The following PRKD1 variants were observed in gnomAD, a reference collection of about 807,000 sequenced individuals.
PRKD1 encodes serine/threonine-protein kinase D1.
In PRKD1, 63 loss-of-function variants were observed where a neutral mutation model predicts 95.9. The observed-to-expected ratio is 0.66, with a 90% CI of 0.54 to 0.81. PRKD1 has a LOEUF of 0.81. Among genes scored for constraint, PRKD1 ranks in the 30% least tolerant of loss-of-function variants. PRKD1 has a pLI of 0.00. For missense variants in PRKD1, 1,048 were observed against 1,165.3 expected (o/e 0.90, Z 1.47); for synonymous variants, 425 against 423.1 (o/e 1.00, Z -0.05).
At chr14:29,714,721 A>G (rs1365624158) in intron 2 of PRKD1, among the ~76,000 whole-genome samples, 1 of 152,242 alleles carries the variant, frequency 6.6e-6, no homozygotes, top group Non-Finnish European at 1.5e-5. Flanking sequence ...ATGCCCATCA[A>G]TGATAGACTG....
intron 13 of PRKD1, among the ~76,000 whole-genome samples, chr14:29,609,414 GC>G (rs1878261715): frequency 6.6e-6 from 1 of 151,318 alleles, no homozygotes; most frequent in South Asian, 2.1e-4. Flanking sequence ...AGTAAAATTG[GC>G]CCCAAGTGTT....
intron 2 of PRKD1, among the ~76,000 whole-genome samples, chr14:29,701,967 C>A (rs1026997623): frequency 2.6e-5 from 4 of 152,220 alleles, no homozygotes; most frequent in African/African-American, 9.6e-5. Flanking sequence ...CCTTTCAGAT[C>A]AGTTTATCAA....
intron 1 of PRKD1, among the ~76,000 whole-genome samples, chr14:29,819,708 A>T (rs1255520895): frequency 1.3e-5 from 2 of 151,996 alleles, no homozygotes; most frequent in African/African-American, 4.8e-5. Context: ...AAATAAAATA[A>T]AATAACATAA....
intron 1 of PRKD1, among the ~76,000 whole-genome samples, chr14:29,741,349 T>C (rs1377119185): frequency 1.3e-5 from 2 of 152,246 alleles, no homozygotes; most frequent in Non-Finnish European, 2.9e-5. Context: ...TTCTATATTT[T>C]ACACGTTTAG....
intron 1 of PRKD1, among the ~76,000 whole-genome samples, chr14:29,762,262 C>T (rs998484384): frequency 9.2e-5 from 14 of 152,116 alleles, no homozygotes; most frequent in African/African-American, 3.4e-4. Context: ...TTCAAACACA[C>T]ATTAGAAAGT....
chr14:29,748,012 G>A (rs1006039334), intron 1 of PRKD1, among the ~76,000 whole-genome samples: 3 of 152,104 alleles, frequency 2.0e-5, no homozygotes, highest in African/African-American at 7.2e-5. Context: ...CCAAAGTGCT[G>A]GGATTACAGA....
chr14:29,858,745 C>A (rs1327113011), intron 1 of PRKD1, among the ~76,000 whole-genome samples: 1 of 151,958 alleles, frequency 6.6e-6, no homozygotes, highest in African/African-American at 2.4e-5. Context: ...AACTCATTAT[C>A]TTTTATCTTT....
chr14:29,594,759 T>G (rs181976331), intron 16 of PRKD1, among the ~76,000 whole-genome samples: 16 of 152,316 alleles, frequency 1.1e-4, no homozygotes, highest in South Asian at 6.2e-4. Flanking sequence ...CAGATACGAT[T>G]AATAGTTGTG....
intron 4 of PRKD1, among the ~76,000 whole-genome samples, chr14:29,653,753 T>C (rs1230013005): frequency 6.6e-6 from 1 of 152,020 alleles, no homozygotes; most frequent in East Asian, 1.9e-4. Flanking sequence ...ATAAAAAACA[T>C]ACAGATCACA....
chr14:29,637,322 GAAGT>G (rs1305438839), intron 6 of PRKD1, among the ~76,000 whole-genome samples: 1 of 152,090 alleles, frequency 6.6e-6, no homozygotes, highest in East Asian at 1.9e-4. Flanking sequence ...TTTGATATTT[GAAGT>G]AATATTGAAC....
At chr14:29,835,673 C>T (rs746365838) in intron 1 of PRKD1, among the ~76,000 whole-genome samples, 13 of 152,216 alleles carry the variant, frequency 8.5e-5, no homozygotes, top group African/African-American at 2.4e-4. Context: ...TGGGTTCAAG[C>T]GATTCTCCTG....
At chr14:29,790,534 T>G (rs1431835194) in intron 1 of PRKD1, among the ~76,000 whole-genome samples, 3 of 152,156 alleles carry the variant, frequency 2.0e-5, no homozygotes, top group Admixed American at 1.3e-4. Flanking sequence ...GATTTTTTAA[T>G]TTGGCTTAAC....
At chr14:29,872,455 C>T (rs1209073248) in intron 1 of PRKD1, among the ~76,000 whole-genome samples, 1 of 151,810 alleles carries the variant, frequency 6.6e-6, no homozygotes, top group East Asian at 1.9e-4. Context: ...GAGTCAGGAC[C>T]ATCCTAGCCA....
At chr14:29,661,082 T>A (rs987491829) in intron 4 of PRKD1, among the ~76,000 whole-genome samples, 3 of 152,220 alleles carry the variant, frequency 2.0e-5, no homozygotes, top group Non-Finnish European at 4.4e-5. Flanking sequence ...ATTTTTTCTA[T>A]CTTAACATTA....
At chr14:29,918,374 ATG>A (rs1220167941) in intron 1 of PRKD1, among the ~76,000 whole-genome samples, 1 of 152,060 alleles carries the variant, frequency 6.6e-6, no homozygotes, top group Non-Finnish European at 1.5e-5. Flanking sequence ...ATTTACAAAA[ATG>A]TAAAAGAAAA....
intron 1 of PRKD1, among the ~76,000 whole-genome samples, chr14:29,851,094 T>C (rs1425404338): frequency 6.6e-6 from 1 of 151,968 alleles, no homozygotes; most frequent in Admixed American, 6.6e-5. Flanking sequence ...ATTAAAGACT[T>C]AAATATAAAA....
At chr14:29,763,125 TAA>T (rs36087571) in intron 1 of PRKD1, among the ~76,000 whole-genome samples, 42 of 64,774 alleles carry the variant, frequency 6.5e-4, no homozygotes, top group African/African-American at 1.7e-3. Flanking sequence ...TCTCTAAAAT[TAA>T]AAAAAAAAAA....
In PRKD1 at chr14:29,744,146, CATCT is replaced by C. The variant is rs773501671; in HGVS notation, c.265-18476_265-18473del. ...TGAGCCTCCCCTTAAAACATGGACT[CATCT>C]ATCTAACTGATACACCATCTCTGCT... On this transcript the variant is annotated intron_variant, in intron 1 of 17. Transcript: ENST00000331968. 2.2e-3 allele frequency among the ~76,000 whole-genome samples: 341 copies of C among 152,230 alleles called. 2 individuals are homozygous for C. The highest frequency in any genetic ancestry group is 3.6e-3 in the Non-Finnish European group (243 of 68,020).
chr14:29,738,577 CTTTT>C (rs1159627345), intron 1 of PRKD1, among the ~76,000 whole-genome samples: 1 of 152,062 alleles, frequency 6.6e-6, no homozygotes, highest in Non-Finnish European at 1.5e-5. Flanking sequence ...AATCTTTTAC[CTTTT>C]TTTATTTTTT....
Sources: gnomAD v4.1 joint callset for allele counts (sites outside exome capture counted in the v4.1 genomes callset) on GRCh38, gnomAD v4.1.1 for gene constraint, MANE v1.5 for transcripts, NCBI Gene and HGNC (gene_info 2026-07-23, HGNC 2026-07-21) for gene names.